The following SPMAP2 variants were observed in gnomAD, a reference collection of about 807,000 sequenced individuals.
SPMAP2 encodes the protein Theg homolog.
At chr19:362,221 A>G in the SPMAP2 span, 1 of 1,555,638 alleles carries the variant, frequency 6.4e-7, no homozygotes, top group Non-Finnish European at 8.7e-7. Context: ...GCCTGGGTTG[A>G]TCACACTTTT....
At chr19:374,462 G>T in the SPMAP2 span, 1 of 1,612,638 alleles carries the variant, frequency 6.2e-7, no homozygotes, top group African/African-American at 1.3e-5. Context: ...CTGCTTTCCC[G>T]CCCCGATGCG....
the SPMAP2 span, chr19:373,982 C>T: frequency 2.5e-6 from 4 of 1,613,544 alleles, no homozygotes; most frequent in African/African-American, 4.0e-5. Flanking sequence ...TGGGGAGATC[C>T]AGGCATACCC....
chr19:367,357 T>C, the SPMAP2 span: 2 of 861,386 alleles, frequency 2.3e-6, no homozygotes, highest in Non-Finnish European at 3.4e-6. Flanking sequence ...TGTAATGTAT[T>C]CATGAAAGGA....
chr19:364,324 G>A, the SPMAP2 span, among the ~76,000 whole-genome samples: 36,787 of 125,984 alleles, frequency 0.29, 7,029 homozygotes, highest in African/African-American at 0.57. Flanking sequence ...GTGACAGAGC[G>A]AAGCTCTGTC....
chr19:372,527 G>A, the SPMAP2 span: 1 of 1,190,362 alleles, frequency 8.4e-7, no homozygotes, highest in African/African-American at 1.5e-5. Context: ...GCTGTCTAGG[G>A]CTAGGACCTG....
At chr19:375,811 C>T in the SPMAP2 span, 1 of 1,609,836 alleles carries the variant, frequency 6.2e-7, no homozygotes, top group Non-Finnish European at 8.5e-7. Context: ...GGTCCCAGCT[C>T]TGCATTGTCC....
At chr19:370,802 G>T in the SPMAP2 span, among the ~76,000 whole-genome samples, 18 of 152,308 alleles carry the variant, frequency 1.2e-4, no homozygotes, top group Admixed American at 2.0e-4. Flanking sequence ...AGGGCGGGGG[G>T]CGGCAGAAGC....
chr19:368,961 G>A, the SPMAP2 span, among the ~76,000 whole-genome samples: 1 of 152,182 alleles, frequency 6.6e-6, no homozygotes, highest in Admixed American at 6.5e-5. The surrounding 1 kb of genome is among the most constrained non-coding windows in gnomAD (Gnocchi z 4.1). Context: ...ACTGCAGAAA[G>A]CCGTTGCTCA....
At chr19:374,139 C>T in the SPMAP2 span, 1 of 1,453,158 alleles carries the variant, frequency 6.9e-7, no homozygotes, top group South Asian at 1.2e-5. Flanking sequence ...CAGTGTCTGG[C>T]CACCTCCTTA....
chr19:366,600 G>A, the SPMAP2 span, among the ~76,000 whole-genome samples: 2 of 152,198 alleles, frequency 1.3e-5, no homozygotes, highest in African/African-American at 2.4e-5. Context: ...TGTTCAACAA[G>A]GGATTAATAA....
At chr19:373,689 G>A in the SPMAP2 span, among the ~76,000 whole-genome samples, 75 of 152,120 alleles carry the variant, frequency 4.9e-4, no homozygotes, top group African/African-American at 1.3e-3. Context: ...CCGGCGGGAC[G>A]CGTGGATTAT....
the SPMAP2 span, among the ~76,000 whole-genome samples, chr19:371,687 C>T: frequency 6.6e-6 from 1 of 152,196 alleles, no homozygotes; most frequent in Admixed American, 6.5e-5. Context: ...CCCCCATCAT[C>T]AAGAGCCTGG....
chr19:367,017 G>A, the SPMAP2 span: 1 of 1,595,336 alleles, frequency 6.3e-7, no homozygotes, highest in African/African-American at 1.4e-5. Flanking sequence ...TGTCCCTTGG[G>A]ATCTGAACAG....
At chr19:364,073 C>CAG in the SPMAP2 span, among the ~76,000 whole-genome samples, 1 of 151,676 alleles carries the variant, frequency 6.6e-6, no homozygotes, top group African/African-American at 2.4e-5. Context: ...GTGGCTCATG[C>CAG]CTGTAATCCC....
the SPMAP2 span, among the ~76,000 whole-genome samples, chr19:364,641 C>T: frequency 6.6e-6 from 1 of 152,134 alleles, no homozygotes; most frequent in Non-Finnish European, 1.5e-5. Context: ...TCCACCTGCT[C>T]ATGTCATGGT....
chr19:373,012 G>C, the SPMAP2 span, among the ~76,000 whole-genome samples: 1 of 152,146 alleles, frequency 6.6e-6, no homozygotes, highest in Non-Finnish European at 1.5e-5. Context: ...CCCACAGGCT[G>C]GGAAAATGGG....
At chr19:373,738 G>A in the SPMAP2 span, among the ~76,000 whole-genome samples, 2 of 152,086 alleles carry the variant, frequency 1.3e-5, no homozygotes, top group African/African-American at 4.8e-5. Flanking sequence ...AGGTAGCTGG[G>A]GGAGAAGCAT....
At chr19:374,554 C>T in the SPMAP2 span, 33 of 1,284,972 alleles carry the variant, frequency 2.6e-5, no homozygotes, top group South Asian at 4.3e-5. Flanking sequence ...TCCTTTCCCT[C>T]GAGGGGTCTC....
the SPMAP2 span, among the ~76,000 whole-genome samples, chr19:369,058 C>A: frequency 6.6e-6 from 1 of 152,132 alleles, no homozygotes; most frequent in African/African-American, 2.4e-5. Context: ...TTACTGGGTT[C>A]GTGTTTTAAA....
Sources: allele counts gnomAD v4.1 joint callset (sites outside exome capture counted in the v4.1 genomes callset), GRCh38; gene constraint gnomAD v4.1.1; non-coding constraint Gnocchi (gnomAD v3.1); transcripts MANE v1.5; gene names NCBI Gene and HGNC (gene_info 2026-07-23, HGNC 2026-07-21).